IGSF21: variants seen among roughly 807,000 people sequenced by gnomAD.
The protein encoded by IGSF21 is immunoglobin superfamily member 21.
In IGSF21, 28 loss-of-function variants were observed where a neutral mutation model predicts 46.8. The observed-to-expected ratio is 0.60, with a 90% CI of 0.44 to 0.82. IGSF21 has a LOEUF of 0.82. Ranked by LOEUF, IGSF21 falls within the 40% of genes least tolerant of loss-of-function variation. The pLI is 0.00. For missense variants in IGSF21, 624 were observed against 665.5 expected, an observed-to-expected ratio of 0.94 and a Z score of 0.69; for synonymous variants, 284 against 273.6, an observed-to-expected ratio of 1.04 and a Z score of -0.38.
intron 1 of IGSF21, among the ~76,000 whole-genome samples, chr1:18,128,260 G>A (rs2086289972): frequency 6.6e-6 from 1 of 152,166 alleles, no homozygotes; most frequent in South Asian, 2.1e-4. Flanking sequence ...ACCTCTGTGA[G>A]GGGAGTAAAG....
chr1:18,280,126 C>T (rs1165780387), intron 2 of IGSF21, among the ~76,000 whole-genome samples: 2 of 152,176 alleles, frequency 1.3e-5, no homozygotes, highest in Non-Finnish European at 2.9e-5. Flanking sequence ...GAGTGCTGAG[C>T]ATGACCATGG....
chr1:18,267,630 T>C (rs1157309645), intron 2 of IGSF21, among the ~76,000 whole-genome samples: 1 of 152,182 alleles, frequency 6.6e-6, no homozygotes, highest in African/African-American at 2.4e-5. Flanking sequence ...GAGAAGAGGG[T>C]AGCTCTGCGG....
intron 3 of IGSF21, among the ~76,000 whole-genome samples, chr1:18,293,286 C>T (rs1314078904): frequency 1.3e-5 from 2 of 152,202 alleles, no homozygotes; most frequent in Non-Finnish European, 2.9e-5. Context: ...ACTCCTCAGC[C>T]CTTCAGGCCT....
chr1:18,139,626 G>T lies in IGSF21; in HGVS notation c.70+31428G>T, dbSNP rs535860235. Among the ~76,000 whole-genome samples the T allele has an allele frequency of 5.9e-5, 9 of 152,326 alleles. No homozygotes were observed. In the East Asian group the frequency reaches 1.7e-3, roughly 29 times the overall value. On this transcript the variant is annotated intron_variant, in intron 1 of 9. Transcript: ENST00000251296. ...TCAAAGGCTCTGGGACAGGTCTCTGGGTTTGAAGGCCAGCCCCACAACGTG... is the reference window on the plus strand; with the variant it reads ...TCAAAGGCTCTGGGACAGGTCTCTGTGTTTGAAGGCCAGCCCCACAACGTG...
intron 2 of IGSF21, among the ~76,000 whole-genome samples, chr1:18,253,563 A>G (rs938420520): frequency 1.3e-5 from 2 of 152,266 alleles, no homozygotes; most frequent in African/African-American, 4.8e-5. Context: ...AGAGAATGTT[A>G]AAACCTTTTA....
chr1:18,143,836 G>A lies in IGSF21; in HGVS notation c.70+35638G>A, dbSNP rs187262353. ...CTGTTTAGGTGGGAGCTCTTAGGTG[G>A]TAGGGGGGTGAGTGGTGCCCATCAG... On this transcript the variant is annotated intron_variant, in intron 1 of 9. Coordinates refer to ENST00000251296, the MANE Select transcript of IGSF21 (RefSeq NM_032880.5). Among the ~76,000 whole-genome samples, 390 of 152,274 alleles carry A rather than the reference G, an allele frequency of 2.6e-3. 2 individuals are homozygous for A. The highest frequency in any genetic ancestry group is 0.024 in the South Asian group (115 of 4,820).
intron 3 of IGSF21, among the ~76,000 whole-genome samples, chr1:18,318,304 A>C (rs1229282316): frequency 6.6e-6 from 1 of 152,112 alleles, no homozygotes; most frequent in Non-Finnish European, 1.5e-5. Flanking sequence ...ACCATCAAAA[A>C]ACACGTCTCC....
chr1:18,264,127 T>C (rs902319403), intron 2 of IGSF21, among the ~76,000 whole-genome samples: 1 of 152,168 alleles, frequency 6.6e-6, no homozygotes, highest in Non-Finnish European at 1.5e-5. Flanking sequence ...AATAAAGTGA[T>C]TGTTTTCCTT....
At position 18,109,044 on chromosome 1, in the gene IGSF21, G is replaced by A. The variant is rs2124395250; in HGVS notation, c.70+846G>A. ...GCCGTGTGGACTTGCTCCCGGGTTAGGCTAAGACAGCTAGAAGGAGGTTGA... is the reference window on the plus strand; with the variant it reads ...GCCGTGTGGACTTGCTCCCGGGTTAAGCTAAGACAGCTAGAAGGAGGTTGA... On this transcript the variant is annotated intron_variant, in intron 1 of 9. Transcript: ENST00000251296. The surrounding 1 kb of genome is among the most constrained non-coding windows in gnomAD (Gnocchi z 4.8). Among the ~76,000 whole-genome samples the A allele has an allele frequency of 6.8e-6, 1 of 148,104 alleles. No individual in the cohort carries two copies. The highest frequency in any genetic ancestry group is 2.0e-4 in the East Asian group (1 of 4,926).
chr1:18,314,895 C>G (rs911817886), intron 3 of IGSF21, among the ~76,000 whole-genome samples: 1 of 152,098 alleles, frequency 6.6e-6, no homozygotes, highest in Non-Finnish European at 1.5e-5. Context: ...GATGGGGACT[C>G]TTGCTGGGGG....
chr1:18,248,271 C>A (rs995134634), intron 2 of IGSF21, among the ~76,000 whole-genome samples: 5 of 152,228 alleles, frequency 3.3e-5, no homozygotes, highest in Admixed American at 6.5e-5. Context: ...GCTAACTGGA[C>A]TCTGAAGGGA....
rs898346312 is a variant in IGSF21, at chr1:18,335,915, G to A, written c.424+905G>A. On this transcript the variant is annotated intron_variant, in intron 4 of 9. Coordinates refer to ENST00000251296, the MANE Select transcript of IGSF21 (RefSeq NM_032880.5). This position sits in a 1 kb window ranked among gnomAD's most constrained non-coding sequence, Gnocchi z 4.8. The stretch of plus-strand genomic sequence containing the variant: ...GAGCCACAATGCAGGAGGTGGCATT[G>A]CCAGGAAAAGCCCCTCTCTCGCAGT... Among the ~76,000 whole-genome samples, 1 of 152,164 alleles carries A rather than the reference G, an allele frequency of 6.6e-6. No homozygotes were observed. The highest frequency in any genetic ancestry group is 2.4e-5 in the African/African-American group (1 of 41,436).
chr1:18,218,188 G>A (rs939389083), intron 1 of IGSF21, among the ~76,000 whole-genome samples: 37 of 152,322 alleles, frequency 2.4e-4, no homozygotes, highest in African/African-American at 8.4e-4. Flanking sequence ...CATAGCAGAA[G>A]GTGAAGGGGA....
At chr1:18,167,987 C>T (rs1469194567) in intron 1 of IGSF21, among the ~76,000 whole-genome samples, 1 of 152,180 alleles carries the variant, frequency 6.6e-6, no homozygotes, top group African/African-American at 2.4e-5. Context: ...CGCAGGAACA[C>T]CTGCTCTCCT....
At chr1:18,232,693 T>G (rs915315265) in intron 2 of IGSF21, among the ~76,000 whole-genome samples, 4 of 152,206 alleles carry the variant, frequency 2.6e-5, no homozygotes, top group African/African-American at 9.6e-5. Flanking sequence ...CCCTGGACCA[T>G]GACTATCTGA....
intron 1 of IGSF21, chr1:18,167,047 G>A (rs1453300671): frequency 1.3e-5 from 2 of 153,126 alleles, no homozygotes; most frequent in Non-Finnish European, 2.9e-5. Flanking sequence ...GAACACACAA[G>A]TGTTTGATGG....
At chr1:18,255,615 C>T (rs2084884582) in intron 2 of IGSF21, among the ~76,000 whole-genome samples, 1 of 152,056 alleles carries the variant, frequency 6.6e-6, no homozygotes, top group South Asian at 2.1e-4. Context: ...TTCCCTGAAA[C>T]TCCCTCTTGA....
At chr1:18,331,105 T>G (rs996715642) in intron 3 of IGSF21, among the ~76,000 whole-genome samples, 2 of 152,230 alleles carry the variant, frequency 1.3e-5, no homozygotes, top group African/African-American at 4.8e-5. Flanking sequence ...ATTTTTATAT[T>G]CTCCATTTTA....
At chr1:18,206,338 CA>C (rs2084322545) in intron 1 of IGSF21, among the ~76,000 whole-genome samples, 1 of 152,048 alleles carries the variant, frequency 6.6e-6, no homozygotes, top group South Asian at 2.1e-4. Context: ...TGCTTGAGCC[CA>C]GTAGTTCATG....
Sources: gnomAD v4.1 joint callset for allele counts (sites outside exome capture counted in the v4.1 genomes callset) on GRCh38, gnomAD v4.1.1 for gene constraint, Gnocchi (gnomAD v3.1) non-coding constraint, MANE v1.5 for transcripts, NCBI Gene and HGNC (gene_info 2026-07-23, HGNC 2026-07-21) for gene names.